Variants in RP1 observed in about 807,000 individuals in gnomAD.
RP1 encodes oxygen-regulated protein 1.
A neutral mutation model predicts 14.8 loss-of-function variants in RP1; 16 were observed. That is an observed-to-expected ratio of 1.08 (90% CI 0.73 to 1.65). The LOEUF (loss-of-function observed/expected upper bound fraction) is 1.65, where lower values mean the gene tolerates loss of function less well. RP1 is among the 40% of genes most tolerant of loss of function. RP1 has a pLI of 0.00. For missense variants in RP1, 2,631 were observed against 2,535.0 expected (o/e 1.04, Z -0.81); for synonymous variants, 876 against 883.6 (o/e 0.99, Z 0.15).
chr8:54,777,739 TAA>T (rs1192427878), intron 23 of RP1, among the ~76,000 whole-genome samples: 2 of 152,222 alleles, frequency 1.3e-5, no homozygotes, highest in African/African-American at 4.8e-5. Context: ...ATAAAATTAA[TAA>T]AAATTAGAAT....
chr8:54,791,919 G>C (rs960505709), intron 24 of RP1, among the ~76,000 whole-genome samples: 1 of 151,960 alleles, frequency 6.6e-6, no homozygotes, highest in African/African-American at 2.4e-5. Flanking sequence ...TGCAGCATTT[G>C]AATGGATTAA....
chr8:54,594,795 G>C (rs565605169), intron 1 of RP1, among the ~76,000 whole-genome samples: 8 of 152,130 alleles, frequency 5.3e-5, no homozygotes, highest in African/African-American at 1.9e-4. Flanking sequence ...ACATATGCTA[G>C]GAATTTAAAT....
At chr8:54,606,026 T>G (rs4625010) in intron 1 of RP1, among the ~76,000 whole-genome samples, 1 of 151,444 alleles carries the variant, frequency 6.6e-6, no homozygotes, top group Non-Finnish European at 1.5e-5. Flanking sequence ...TTAATTGGAG[T>G]ATTTAGCCCA....
chr8:54,858,825 T>A (rs1328772407), intron 27 of RP1, among the ~76,000 whole-genome samples: 9 of 152,104 alleles, frequency 5.9e-5, no homozygotes, highest in Admixed American at 5.9e-4. Flanking sequence ...TTGATGTCAC[T>A]GTAGAGCAGT....
intron 27 of RP1, among the ~76,000 whole-genome samples, chr8:54,859,576 A>ACTGTAGGGTT (rs1563398791): frequency 1.4e-5 from 2 of 141,904 alleles, no homozygotes; most frequent in Non-Finnish European, 3.1e-5. Flanking sequence ...ACTGTAGGGT[A>ACTGTAGGGTT]GTGTCACTGT....
chr8:54,719,868 A>G (rs566318483), intron 15 of RP1, among the ~76,000 whole-genome samples: 7 of 151,928 alleles, frequency 4.6e-5, no homozygotes, highest in Non-Finnish European at 8.8e-5. Flanking sequence ...CATATACAAC[A>G]CTCTCCTTAG....
At chr8:54,586,125 G>GT (rs1296380785) in intron 1 of RP1, among the ~76,000 whole-genome samples, 2 of 152,158 alleles carry the variant, frequency 1.3e-5, no homozygotes, top group Admixed American at 1.3e-4. Context: ...CATCTTTGTG[G>GT]TTTTATCTAC....
In RP1 at chr8:54,697,830, C is replaced by T. The variant is rs865811335; in HGVS notation, c.1718-1637C>T. Among the ~76,000 whole-genome samples, 456 of 152,262 alleles carry T rather than the reference C, an allele frequency of 3.0e-3. 3 individuals are homozygous for T. The highest frequency in any genetic ancestry group is 9.8e-3 in the African/African-American group (407 of 41,540). On this transcript the variant is annotated intron_variant, in intron 12 of 22. Transcript: ENST00000636932. ...TAATAAATGGTGCTGGGAAAACTGG[C>T]TAGCCATATGTAGAAAGCCGAAACT...
intron 7 of RP1, among the ~76,000 whole-genome samples, chr8:54,669,678 C>T (rs1464866857): frequency 1.3e-5 from 2 of 152,124 alleles, no homozygotes; most frequent in African/African-American, 4.8e-5. Context: ...ACATATACAC[C>T]ATGGAATACT....
At chr8:54,652,198 G>C (rs1056764757) in intron 4 of RP1, among the ~76,000 whole-genome samples, 2 of 152,026 alleles carry the variant, frequency 1.3e-5, no homozygotes, top group African/African-American at 4.8e-5. Flanking sequence ...TGTAGAGACA[G>C]GGTTTCACTG....
chr8:54,613,674 G>T (rs1273654474), upstream of RP1, among the ~76,000 whole-genome samples: 1 of 152,118 alleles, frequency 6.6e-6, no homozygotes, highest in Non-Finnish European at 1.5e-5. Context: ...GTTCAAGAAA[G>T]GTTTCTGAGA....
chr8:54,691,041 T>C (rs909239066), intron 12 of RP1, among the ~76,000 whole-genome samples: 1 of 152,072 alleles, frequency 6.6e-6, no homozygotes, highest in Non-Finnish European at 1.5e-5. Flanking sequence ...ATGTCCAAAA[T>C]CAGCTTCCTT....
chr8:54,756,028 A>G (rs1809497774), intron 21 of RP1, among the ~76,000 whole-genome samples: 1 of 152,216 alleles, frequency 6.6e-6, no homozygotes. Context: ...GAGGAAAAGA[A>G]AAAAATGAAC....
chr8:54,845,234 G>A (rs372149645), intron 25 of RP1, among the ~76,000 whole-genome samples: 3 of 152,278 alleles, frequency 2.0e-5, no homozygotes, highest in East Asian at 3.9e-4. Flanking sequence ...AGAGTGCCTG[G>A]GAAGGTGGCC....
chr8:54,611,184 A>G (rs556768300), upstream of RP1, among the ~76,000 whole-genome samples: 2 of 152,254 alleles, frequency 1.3e-5, no homozygotes, highest in Non-Finnish European at 2.9e-5. Flanking sequence ...GGTCTCTTGT[A>G]GTTCATCCTA....
chr8:54,652,894 C>A (rs906870282), intron 5 of RP1: 12 of 1,474,494 alleles, frequency 8.1e-6, no homozygotes, highest in Non-Finnish European at 1.1e-5. Context: ...CTTTCCCATT[C>A]TTTGCAAAAT....
intron 1 of RP1, among the ~76,000 whole-genome samples, chr8:54,620,105 A>G (rs1308667325): frequency 6.6e-6 from 1 of 152,226 alleles, no homozygotes; most frequent in African/African-American, 2.4e-5. Context: ...CAATGTATAA[A>G]AAACACAAAT....
At chr8:54,652,705 C>T in intron 4 of RP1, 3 of 954,906 alleles carry the variant, frequency 3.1e-6, no homozygotes, top group Non-Finnish European at 4.9e-6. Context: ...ATCAACATTT[C>T]ATGTCCTAAT....
In RP1 at chr8:54,742,246, G is replaced by T. The variant is rs533695170; in HGVS notation, c.2808+3217G>T. ...GCTTTAAATACTATATCTGTCACTGGTTCCTTTACAGTACAAGATATGTTA... is the reference window on the plus strand; with the variant it reads ...GCTTTAAATACTATATCTGTCACTGTTTCCTTTACAGTACAAGATATGTTA... On this transcript the variant is annotated intron_variant, in intron 19 of 22. Coordinates refer to the RP1 transcript ENST00000636932. 2.1e-3 allele frequency among the ~76,000 whole-genome samples: 327 copies of T among 152,184 alleles called. 1 individual carries two copies. The highest frequency in any genetic ancestry group is 7.7e-3 in the African/African-American group (319 of 41,542).
Sources: gnomAD v4.1 joint callset for allele counts (sites outside exome capture counted in the v4.1 genomes callset) on GRCh38, gnomAD v4.1.1 for gene constraint, MANE v1.5 for transcripts, NCBI Gene and HGNC (gene_info 2026-07-23, HGNC 2026-07-21) for gene names.